IGSF10: variants seen among roughly 807,000 people sequenced by gnomAD.
The protein encoded by IGSF10 is immunoglobulin superfamily member 10, also known as calvaria mechanical force protein 608.
IGSF10 carries 126 observed loss-of-function variants against 128.2 expected under a neutral mutation model. The observed-to-expected ratio is 0.98, with a 90% CI of 0.85 to 1.14. IGSF10 has a LOEUF of 1.14. Among genes scored for constraint, IGSF10 ranks in the 50% most tolerant of loss-of-function variants. The pLI is 0.00. For synonymous variants in IGSF10, 1,185 were observed against 1,146.2 expected, an observed-to-expected ratio of 1.03 and a Z score of -0.68; for missense variants, 3,295 against 3,149.8, an observed-to-expected ratio of 1.05 and a Z score of -1.10.
rs1038357807 is a variant in IGSF10, at chr3:151,448,907, A to G, written c.1074T>C (p.Phe358=). The G allele has an allele frequency of 2.5e-6, 4 of 1,614,116 alleles. No homozygotes were observed. In the African/African-American group the frequency reaches 4.0e-5, roughly 16 times the overall value. Residue 358 remains phenylalanine (F), a synonymous_variant, in exon 6 of 8, where the codon TTT becomes TTC. Coordinates refer to ENST00000282466, the MANE Select transcript of IGSF10 (RefSeq NM_178822.5). ...CTATGTTGCACACCAAAAATGTTGA[A>G]AATGAAGTATTTAGCACGATGTAGT... ...ENDYIVLNTS[F]STFLVCNIDY...
the IGSF10 span, among the ~76,000 whole-genome samples, chr3:151,550,616 T>C: frequency 6.6e-6 from 1 of 152,180 alleles, no homozygotes; most frequent in Non-Finnish European, 1.5e-5. Flanking sequence ...ACTAGATCTT[T>C]TTTTTAGGTG....
the IGSF10 span, among the ~76,000 whole-genome samples, chr3:151,494,934 A>T: frequency 6.6e-6 from 1 of 152,068 alleles, no homozygotes; most frequent in African/African-American, 2.4e-5. Context: ...GGAAAGGCTT[A>T]TTACTTTATG....
chr3:151,517,555 C>A, the IGSF10 span, among the ~76,000 whole-genome samples: 2 of 151,876 alleles, frequency 1.3e-5, no homozygotes, highest in Non-Finnish European at 2.9e-5. Context: ...AAATGTGTGA[C>A]CATGAGGGCA....
At chr3:151,530,432 A>G in the IGSF10 span, among the ~76,000 whole-genome samples, 1 of 152,326 alleles carries the variant, frequency 6.6e-6, no homozygotes, top group South Asian at 2.1e-4. Flanking sequence ...CAAGGTTGAA[A>G]TGAAGGAAAA....
chr3:151,481,673 T>TC, the IGSF10 span, among the ~76,000 whole-genome samples: 1 of 152,198 alleles, frequency 6.6e-6, no homozygotes, highest in East Asian at 1.9e-4. Context: ...TTGTAAGACC[T>TC]TAAGTCCACA....
Position 151,453,466 on chromosome 3 carries a change from T to C in IGSF10, c.633A>G (p.Leu211=). Residue 211 remains leucine (L), a synonymous_variant, in exon 5 of 8, where the codon CTA becomes CTG. Coordinates refer to ENST00000282466, the MANE Select transcript of IGSF10 (RefSeq NM_178822.5). ...GGTTTCCATGCAGGTAAAGGCTGTCTAGGTCAGGCATATAGGAGACCATCT... is the reference window on the plus strand; with the variant it reads ...GGTTTCCATGCAGGTAAAGGCTGTCCAGGTCAGGCATATAGGAGACCATCT... The part of the protein sequence containing the change: ...PQEMVSYMPD[L]DSLYLHGNPW... 6.2e-7 allele frequency: 1 copy of C among 1,613,990 alleles called. No homozygotes were observed. Among genetic ancestry groups the C allele is most frequent in the Non-Finnish European group, 8.5e-7 (1 of 1,179,902 alleles).
In IGSF10 at chr3:151,443,644, C is replaced by A; in HGVS notation, c.5303G>T (p.Arg1768Ile). The stretch of plus-strand genomic sequence containing the variant: ...TGTAGGGCTTGGCCTACCTTCTGCT[C>A]TGCACTTCAGTTCCACAGTGCTTCC... Reference protein sequence around the residue: ...HSGSTVELKCRAEGRPSPTVT... With the variant: ...HSGSTVELKCIAEGRPSPTVT... Residue 1768 changes from arginine to isoleucine, a missense_variant, in exon 7 of 8, where the codon AGA (arginine) becomes ATA (isoleucine). By Grantham distance (97) the Arg-to-Ile change is moderately conservative. Transcript: ENST00000282466. The A allele has an allele frequency of 6.2e-7, 1 of 1,614,222 alleles. No individual in the cohort carries two copies. The highest frequency in any genetic ancestry group is 1.1e-5 in the South Asian group (1 of 91,082).
chr3:151,512,594 G>C, the IGSF10 span, among the ~76,000 whole-genome samples: 70,642 of 151,654 alleles, frequency 0.47, 16,778 homozygotes, highest in South Asian at 0.58. Context: ...CTAGCAGAAG[G>C]CAAGAAATAA....
chr3:151,473,151 A>AT, the IGSF10 span, among the ~76,000 whole-genome samples: 6 of 152,278 alleles, frequency 3.9e-5, no homozygotes, highest in African/African-American at 1.4e-4. Context: ...TGTTGCCCTA[A>AT]TCCTTTCGTT....
In IGSF10 at chr3:151,437,806, AC is replaced by A; in HGVS notation, c.6754del (p.Val2252Ter). 6.2e-7 allele frequency: 1 copy of A among 1,613,766 alleles called. No individual in the cohort carries two copies. Among genetic ancestry groups the A allele is most frequent in the Non-Finnish European group, 8.5e-7 (1 of 1,179,890 alleles). Reference sequence around the variant, plus strand: ...GTCAAAGTGTTTTTTGGAATGTCTCACAGCTGTGGCTTTAATAACAGTTCTG... The same window carrying A: ...GTCAAAGTGTTTTTTGGAATGTCTCAAGCTGTGGCTTTAATAACAGTTCTG... Reference protein sequence around the residue: ...TNRTVIKATAVRHSKKHFDCR... With the variant: ...TNRTVIKATAXRHSKKHFDCR... On this transcript the variant is annotated frameshift_variant, in exon 8 of 8. Transcript: ENST00000282466. LOFTEE classifies it low-confidence loss of function (END_TRUNC).
chr3:151,478,440 TCA>T, the IGSF10 span, among the ~76,000 whole-genome samples: 2 of 152,236 alleles, frequency 1.3e-5, no homozygotes, highest in Admixed American at 1.3e-4. Context: ...AAGTCAAAAG[TCA>T]CTTTTTGGAC....
chr3:151,463,523 G>GTTTTTTTTTTTGT (rs1722143327), upstream of IGSF10, among the ~76,000 whole-genome samples: 1 of 31,272 alleles, frequency 3.2e-5, no homozygotes, highest in Non-Finnish European at 6.5e-5. Flanking sequence ...ACATTTTCTG[G>GTTTTTTTTTTTGT]TTTTTTTTTT....
chr3:151,612,256 G>T, the IGSF10 span, among the ~76,000 whole-genome samples: 2 of 152,190 alleles, frequency 1.3e-5, no homozygotes, highest in East Asian at 3.9e-4. Context: ...AAAATGAATT[G>T]AAAAACATTT....
At chr3:151,451,105 T>A (rs1313809587) in intron 5 of IGSF10, among the ~76,000 whole-genome samples, 1 of 152,032 alleles carries the variant, frequency 6.6e-6, no homozygotes, top group East Asian at 1.9e-4. Context: ...ACATCAGGTA[T>A]TTTGCCTCAA....
the IGSF10 span, among the ~76,000 whole-genome samples, chr3:151,592,152 T>G: frequency 2.0e-5 from 3 of 152,020 alleles, no homozygotes; most frequent in Non-Finnish European, 4.4e-5. Flanking sequence ...TGACAGAACT[T>G]TTTTTCTTGC....
the IGSF10 span, among the ~76,000 whole-genome samples, chr3:151,591,242 GA>G: frequency 3.3e-5 from 5 of 150,808 alleles, no homozygotes; most frequent in Admixed American, 6.6e-5. Flanking sequence ...TATGCAATAG[GA>G]AAAAAAGTGG....
Position 151,438,255 on chromosome 3 carries a change from TC to T in IGSF10, c.6305del (p.Gly2102GlufsTer10). 6.2e-7 allele frequency: 1 copy of T among 1,614,162 alleles called. No individual in the cohort carries two copies. Among genetic ancestry groups the T allele is most frequent in the Non-Finnish European group, 8.5e-7 (1 of 1,180,020 alleles). ...RTRRYTLFNN[G>X]TLYFNKVGVA... is the part of the protein sequence containing the mutation. ...CCCCAACTTTGTTGAAGTATAAAGT[TC>T]CATTGTTGAAAAGGGTATATCTCCT... On this transcript the variant is annotated frameshift_variant, in exon 8 of 8. Transcript: ENST00000282466. LOFTEE classifies it low-confidence loss of function (END_TRUNC).
the IGSF10 span, among the ~76,000 whole-genome samples, chr3:151,494,612 A>C: frequency 1.3e-5 from 2 of 152,114 alleles, no homozygotes; most frequent in East Asian, 3.8e-4. Context: ...CCAATTTAAT[A>C]ATCAGATCTT....
At chr3:151,523,111 G>A in the IGSF10 span, among the ~76,000 whole-genome samples, 2 of 152,184 alleles carry the variant, frequency 1.3e-5, no homozygotes, top group Non-Finnish European at 2.9e-5. Flanking sequence ...GCTAACCAGG[G>A]AGCTGAAAGG....
Sources: allele counts gnomAD v4.1 joint callset (sites outside exome capture counted in the v4.1 genomes callset), GRCh38; gene constraint gnomAD v4.1.1; transcripts MANE v1.5; gene names NCBI Gene and HGNC (gene_info 2026-07-23, HGNC 2026-07-21).